Variants in PDE10A observed in about 807,000 individuals in gnomAD.
PDE10A encodes the protein phosphodiesterase 10A.
In PDE10A, 39 loss-of-function variants were observed where a neutral mutation model predicts 97.7. The ratio of observed to expected loss-of-function variants is 0.40; its 90% confidence interval spans 0.31 to 0.52. The LOEUF (loss-of-function observed/expected upper bound fraction) is 0.52, where lower values mean the gene tolerates loss of function less well. Among genes scored for constraint, PDE10A ranks in the 20% least tolerant of loss-of-function variants. The probability of loss-of-function intolerance (pLI) is 0.56; values close to 1 mark genes in which losing one functional copy is unlikely to be tolerated. For synonymous variants in PDE10A, 371 were observed against 376.8 expected (o/e 0.98, Z 0.18); for missense variants, 731 against 1,047.8 (o/e 0.70, Z 4.17).
intron 3 of PDE10A, among the ~76,000 whole-genome samples, chr6:165,465,973 A>G (rs886703328): frequency 6.6e-6 from 1 of 152,186 alleles, no homozygotes; most frequent in African/African-American, 2.4e-5. Context: ...AGGGTAGCAG[A>G]GGAACAAGCA....
Position 165,515,523 on chromosome 6 carries a change from C to G in PDE10A, c.994+27917G>C, listed in dbSNP as rs796121382. On this transcript the variant is annotated intron_variant, in intron 2 of 21. Coordinates refer to ENST00000539869, the MANE Select transcript of PDE10A (RefSeq NM_001385079.1). Reference sequence around the variant, plus strand: ...ACACACACATATATATGCTTTTGTTCTTTTTTTTTTTTTTTTTTGAGATGG... The same window carrying G: ...ACACACACATATATATGCTTTTGTTGTTTTTTTTTTTTTTTTTTGAGATGG... Among the ~76,000 whole-genome samples, 3 of 124,532 alleles carry G rather than the reference C, an allele frequency of 2.4e-5. No individual in the cohort carries two copies. In the Admixed American group the frequency reaches 2.5e-4, roughly 10 times the overall value. 81.7% of individuals were successfully genotyped at this position (124,532 alleles called of 152,430 possible).
At chr6:165,451,809 T>C (rs1791312516) in intron 3 of PDE10A, among the ~76,000 whole-genome samples, 1 of 152,198 alleles carries the variant, frequency 6.6e-6, no homozygotes, top group Non-Finnish European at 1.5e-5. Context: ...ATTAAAGATA[T>C]TATCTTCAAT....
chr6:165,800,669 A>G (rs1778959499), intron 1 of PDE10A, among the ~76,000 whole-genome samples: 2 of 152,216 alleles, frequency 1.3e-5, no homozygotes, highest in Admixed American at 1.3e-4. Context: ...CTAGCATAAC[A>G]TAATTCAGCG....
intron 1 of PDE10A, among the ~76,000 whole-genome samples, chr6:165,943,297 A>G (rs1245990882): frequency 6.9e-6 from 1 of 145,630 alleles, no homozygotes; most frequent in Non-Finnish European, 1.5e-5. Flanking sequence ...GAAAGAAGGA[A>G]AGAAAGAAAG....
At chr6:165,620,626 C>G (rs888762240) in intron 1 of PDE10A, among the ~76,000 whole-genome samples, 5 of 152,168 alleles carry the variant, frequency 3.3e-5, no homozygotes, top group Non-Finnish European at 7.3e-5. Context: ...AAGAGGAAGG[C>G]AGGCCACTGC....
At chr6:165,509,100 T>C (rs1781364130) in intron 2 of PDE10A, among the ~76,000 whole-genome samples, 1 of 152,072 alleles carries the variant, frequency 6.6e-6, no homozygotes, top group Non-Finnish European at 1.5e-5. Context: ...TCAAAGCGTA[T>C]ATTCATACTT....
chr6:165,417,744 C>A (rs1213593283), intron 11 of PDE10A, among the ~76,000 whole-genome samples: 3 of 152,172 alleles, frequency 2.0e-5, no homozygotes, highest in Non-Finnish European at 4.4e-5. Context: ...CGCTGAGGGG[C>A]AGACAGTGGT....
At chr6:165,882,529 T>G (rs1248877848) in intron 1 of PDE10A, among the ~76,000 whole-genome samples, 1 of 152,196 alleles carries the variant, frequency 6.6e-6, no homozygotes, top group Non-Finnish European at 1.5e-5. Context: ...GACCTTCTGC[T>G]AAGTTTCCAC....
At chr6:165,474,765 T>G (rs1046609531) in intron 3 of PDE10A, among the ~76,000 whole-genome samples, 6 of 152,156 alleles carry the variant, frequency 3.9e-5, no homozygotes, top group Admixed American at 1.3e-4. Context: ...CAGACATACA[T>G]CTAACATCCT....
intron 1 of PDE10A, among the ~76,000 whole-genome samples, chr6:165,571,754 C>T (rs1785060702): frequency 1.3e-5 from 2 of 152,324 alleles, no homozygotes; most frequent in Admixed American, 6.5e-5. Context: ...TCACGCTACA[C>T]TGTTTGAAGC....
intron 1 of PDE10A, among the ~76,000 whole-genome samples, chr6:165,569,396 C>T (rs568059155): frequency 3.9e-5 from 6 of 152,254 alleles, no homozygotes; most frequent in African/African-American, 9.6e-5. Context: ...TTCTTTTGCA[C>T]GAGTGTTGTA....
At chr6:165,467,532 T>A (rs1778728638) in intron 3 of PDE10A, among the ~76,000 whole-genome samples, 1 of 152,200 alleles carries the variant, frequency 6.6e-6, no homozygotes, top group Admixed American at 6.5e-5. Flanking sequence ...ACTCTGCCTG[T>A]GTTCTAGAAA....
At chr6:165,822,711 G>A (rs1779608807) in intron 1 of PDE10A, among the ~76,000 whole-genome samples, 1 of 152,166 alleles carries the variant, frequency 6.6e-6, no homozygotes, top group Non-Finnish European at 1.5e-5. Flanking sequence ...TGAGGGTGAA[G>A]GCCTCGGACA....
chr6:165,815,493 G>A (rs1005411580), intron 1 of PDE10A, among the ~76,000 whole-genome samples: 1 of 152,162 alleles, frequency 6.6e-6, no homozygotes, highest in African/African-American at 2.4e-5. Context: ...TGGAAGGAGA[G>A]ACATTATGAG....
intron 1 of PDE10A, among the ~76,000 whole-genome samples, chr6:165,899,835 CCTT>C (rs1562789153): frequency 6.6e-6 from 1 of 152,240 alleles, no homozygotes; most frequent in Non-Finnish European, 1.5e-5. Flanking sequence ...ACTGCAGCCA[CCTT>C]CTTGGTGTAA....
intron 1 of PDE10A, among the ~76,000 whole-genome samples, chr6:165,580,628 G>A (rs1207619861): frequency 6.6e-6 from 1 of 152,148 alleles, no homozygotes; most frequent in African/African-American, 2.4e-5. Flanking sequence ...CTTATTTAAT[G>A]GACTGAATAT....
intron 18 of PDE10A, among the ~76,000 whole-genome samples, chr6:165,373,379 T>C (rs1213341485): frequency 6.6e-6 from 1 of 152,020 alleles, no homozygotes; most frequent in Non-Finnish European, 1.5e-5. Flanking sequence ...CAAACAAATT[T>C]ACAAGACAAA....
chr6:165,701,662 T>C lies in PDE10A; in HGVS notation c.-614-158094A>G, dbSNP rs558625056. On this transcript the variant is annotated intron_variant, in intron 1 of 19. Transcript: ENST00000366882. ...CTCTTCATGTATGTGTGTGTGTGTG[T>C]GCATGTATGTTTGTGTGTGTGCATG... Among the ~76,000 whole-genome samples the C allele has an allele frequency of 7.3e-4, 79 of 107,684 alleles. No homozygotes were observed. The South Asian group carries it at 0.013, about 18-fold the overall frequency. The allele number at this position is 107,684 out of a possible 152,430, so 70.6% of individuals were successfully genotyped here.
chr6:165,844,072 C>T (rs557878321), intron 1 of PDE10A, among the ~76,000 whole-genome samples: 1 of 152,262 alleles, frequency 6.6e-6, no homozygotes, highest in African/African-American at 2.4e-5. Flanking sequence ...TGTGGGGTAC[C>T]TCGCAGGTGA....
Sources: allele counts gnomAD v4.1 joint callset (sites outside exome capture counted in the v4.1 genomes callset), GRCh38; gene constraint gnomAD v4.1.1; transcripts MANE v1.5; gene names NCBI Gene and HGNC (gene_info 2026-07-23, HGNC 2026-07-21).